Variants in MAN1A2 observed in about 807,000 individuals in gnomAD.
MAN1A2 encodes mannosyl-oligosaccharide 1,2-alpha-mannosidase IB.
In MAN1A2, 26 loss-of-function variants were observed where a neutral mutation model predicts 75.7. That is an observed-to-expected ratio of 0.34 (90% CI 0.25 to 0.48). The LOEUF is 0.48. MAN1A2 is among the 20% of genes least tolerant of loss of function. MAN1A2 has a pLI of 0.99. For missense variants in MAN1A2, 562 were observed against 775.5 expected, an observed-to-expected ratio of 0.72 and a Z score of 3.27; for synonymous variants, 247 against 264.6, an observed-to-expected ratio of 0.93 and a Z score of 0.65.
chr1:117,384,753 T>C (rs1653466219), intron 1 of MAN1A2, among the ~76,000 whole-genome samples: 1 of 152,188 alleles, frequency 6.6e-6, no homozygotes. Flanking sequence ...TTCTGTTGTT[T>C]AATGTATATA....
At chr1:117,461,109 A>C (rs941664654) in intron 7 of MAN1A2, among the ~76,000 whole-genome samples, 3 of 152,240 alleles carry the variant, frequency 2.0e-5, no homozygotes, top group African/African-American at 7.2e-5. Context: ...TACAAAAGGC[A>C]AGAAAATGTC....
chr1:117,408,423 G>T (rs1269415476), intron 3 of MAN1A2, among the ~76,000 whole-genome samples: 1 of 151,772 alleles, frequency 6.6e-6, no homozygotes. Flanking sequence ...TTTGTAAAAA[G>T]TATTCTTTGA....
chr1:117,376,352 T>G (rs902686892), intron 1 of MAN1A2, among the ~76,000 whole-genome samples: 3 of 152,242 alleles, frequency 2.0e-5, no homozygotes, highest in African/African-American at 7.2e-5. Flanking sequence ...CTCCGCTTAT[T>G]ATGTAACCAT....
intron 12 of MAN1A2, among the ~76,000 whole-genome samples, chr1:117,520,096 G>GA (rs1651827090): frequency 6.6e-6 from 1 of 152,054 alleles, no homozygotes; most frequent in African/African-American, 2.4e-5. Flanking sequence ...AATAGATTCA[G>GA]AAAAAGCATT....
At chr1:117,478,640 A>G (rs1218986552) in intron 8 of MAN1A2, among the ~76,000 whole-genome samples, 2 of 151,934 alleles carry the variant, frequency 1.3e-5, no homozygotes, top group African/African-American at 4.8e-5. Flanking sequence ...TAAATATTCT[A>G]TTATTTCAGC....
At chr1:117,517,352 C>T (rs1570807372) in intron 12 of MAN1A2, among the ~76,000 whole-genome samples, 1 of 152,112 alleles carries the variant, frequency 6.6e-6, no homozygotes, top group African/African-American at 2.4e-5. Flanking sequence ...CAACTTAGAA[C>T]TGATAAAGAT....
Position 117,405,775 on chromosome 1 carries a change from A to C in MAN1A2, c.655+130A>C, listed in dbSNP as rs939229669. 9 of 687,134 alleles carry C rather than the reference A, an allele frequency of 1.3e-5. No individual in the cohort carries two copies. In the African/African-American group the frequency reaches 1.5e-4, roughly 11 times the overall value. The allele number at this position is 687,134 out of a possible 1,614,324, so 42.6% of individuals were successfully genotyped here. On this transcript the variant is annotated intron_variant, in intron 3 of 12. Transcript: ENST00000356554. ...ACTATAATTTGAAGAAACAGGTATG[A>C]TTTTTTGCAAGTGTCAGTCACGATT...
At chr1:117,404,330 T>C (rs1647543960) in intron 2 of MAN1A2, among the ~76,000 whole-genome samples, 1 of 152,314 alleles carries the variant, frequency 6.6e-6, no homozygotes, top group Admixed American at 6.5e-5. Flanking sequence ...TCTACTATTA[T>C]ATAATTCGTC....
rs140651810 is a variant in MAN1A2, at chr1:117,431,675, G to A, written c.856-10556G>A. 6.2e-3 allele frequency among the ~76,000 whole-genome samples: 944 copies of A among 152,308 alleles called. 8 individuals carry two copies. The highest frequency in any genetic ancestry group is 0.022 in the African/African-American group (903 of 41,550). ...GAAATAGTACAGAGTATGGCTAGGTGCAATGGCTTATGCCTGTAATCCCAG... is the reference window on the plus strand; with the variant it reads ...GAAATAGTACAGAGTATGGCTAGGTACAATGGCTTATGCCTGTAATCCCAG... On this transcript the variant is annotated intron_variant, in intron 5 of 12. Coordinates refer to ENST00000356554, the MANE Select transcript of MAN1A2 (RefSeq NM_006699.5).
chr1:117,458,750 C>CT (rs1251173372), intron 6 of MAN1A2, among the ~76,000 whole-genome samples: 1 of 151,776 alleles, frequency 6.6e-6, no homozygotes, highest in Non-Finnish European at 1.5e-5. Context: ...TCTTGAACTC[C>CT]TGACCTCAGG....
chr1:117,501,698 T>G (rs1651207360), intron 11 of MAN1A2, among the ~76,000 whole-genome samples: 1 of 151,772 alleles, frequency 6.6e-6, no homozygotes, highest in South Asian at 2.1e-4. Context: ...CCCTTAAATT[T>G]AGTTATAATC....
At chr1:117,515,002 T>C (rs1651671159) in intron 12 of MAN1A2, 4 of 460,598 alleles carry the variant, frequency 8.7e-6, no homozygotes, top group Non-Finnish European at 1.3e-5. Flanking sequence ...AGAGTTGTAT[T>C]TGAGAATTAA....
At chr1:117,478,627 A>G (rs867291435) in intron 8 of MAN1A2, among the ~76,000 whole-genome samples, 3 of 151,924 alleles carry the variant, frequency 2.0e-5, no homozygotes, top group Non-Finnish European at 4.4e-5. Context: ...TTTTTTTTAC[A>G]TATAAATATT....
chr1:117,403,086 C>T (rs1156620254), intron 2 of MAN1A2, among the ~76,000 whole-genome samples: 1 of 152,084 alleles, frequency 6.6e-6, no homozygotes, highest in African/African-American at 2.4e-5. Flanking sequence ...TTAATTAGAA[C>T]TCCTAAAAAT....
chr1:117,456,446 A>G (rs1649584049), intron 6 of MAN1A2, among the ~76,000 whole-genome samples: 1 of 152,010 alleles, frequency 6.6e-6, no homozygotes, highest in South Asian at 2.1e-4. Context: ...ATCACTGACA[A>G]ATTGGTTTTA....
intron 6 of MAN1A2, among the ~76,000 whole-genome samples, chr1:117,443,841 C>G (rs1197363531): frequency 6.6e-6 from 1 of 151,886 alleles, no homozygotes; most frequent in Non-Finnish European, 1.5e-5. Context: ...AATTCCTAGG[C>G]TCAAGTGATC....
intron 12 of MAN1A2, among the ~76,000 whole-genome samples, chr1:117,518,139 C>A (rs1004568750): frequency 6.6e-6 from 1 of 151,698 alleles, no homozygotes; most frequent in Non-Finnish European, 1.5e-5. Flanking sequence ...AAGACAAAAA[C>A]CTATTATAAA....
chr1:117,368,680 A>G (rs928200934), intron 1 of MAN1A2, among the ~76,000 whole-genome samples, 195 bp downstream of exon 1: 2 of 152,056 alleles, frequency 1.3e-5, no homozygotes, highest in African/African-American at 4.8e-5. Context: ...TAGAGTCCAT[A>G]GACTGGTAGG....
At chr1:117,437,480 T>G (rs913665056) in intron 5 of MAN1A2, among the ~76,000 whole-genome samples, 1 of 152,154 alleles carries the variant, frequency 6.6e-6, no homozygotes, top group Non-Finnish European at 1.5e-5. Context: ...CATCAATTAA[T>G]AAAATATTTT....
Sources: allele counts gnomAD v4.1 joint callset (sites outside exome capture counted in the v4.1 genomes callset), GRCh38; gene constraint gnomAD v4.1.1; transcripts MANE v1.5; gene names NCBI Gene and HGNC (gene_info 2026-07-23, HGNC 2026-07-21).